Variants in CFAP61 observed in about 807,000 individuals in gnomAD.
The protein encoded by CFAP61 is cilia- and flagella-associated protein 61.
In CFAP61, 107 loss-of-function variants were observed where a neutral mutation model predicts 135.6. The ratio of observed to expected loss-of-function variants is 0.79; its 90% confidence interval spans 0.67 to 0.93. CFAP61 has a LOEUF of 0.93. Ranked by LOEUF, CFAP61 falls within the 40% of genes least tolerant of loss-of-function variation. CFAP61 has a pLI of 0.00. For synonymous variants in CFAP61, 575 were observed against 578.5 expected (o/e 0.99, Z 0.09); for missense variants, 1,507 against 1,556.2 (o/e 0.97, Z 0.53).
At chr20:20,192,894 G>A (rs1469709220) in intron 15 of CFAP61, among the ~76,000 whole-genome samples, 1 of 152,088 alleles carries the variant, frequency 6.6e-6, no homozygotes, top group Admixed American at 6.5e-5. Context: ...CTTTGAGCTT[G>A]GAGAGTTTTT....
chr20:20,357,972 G>C (rs1270535535), intron 26 of CFAP61, among the ~76,000 whole-genome samples: 2 of 77,798 alleles, frequency 2.6e-5, no homozygotes, highest in African/African-American at 5.4e-5. Context: ...TGGTCATAGT[G>C]TGAGGGGAGG....
chr20:20,174,199 G>A (rs1047065060), intron 13 of CFAP61, among the ~76,000 whole-genome samples: 3 of 152,190 alleles, frequency 2.0e-5, no homozygotes, highest in Admixed American at 2.0e-4. Flanking sequence ...AACAAGTCAT[G>A]TGTTGTCGCA....
chr20:20,201,493 T>A (rs1041539315), intron 17 of CFAP61, among the ~76,000 whole-genome samples: 5 of 152,224 alleles, frequency 3.3e-5, no homozygotes, highest in Non-Finnish European at 5.9e-5. Context: ...GCACTGGAGA[T>A]GAGACGTGCC....
intron 25 of CFAP61, among the ~76,000 whole-genome samples, chr20:20,337,566 A>G (rs1269909513): frequency 0.02 from 42 of 2,078 alleles, 1 homozygote; most frequent in Middle Eastern, 0.25. Flanking sequence ...GGATGGATGG[A>G]TGGATGGATG....
At position 20,252,873 on chromosome 20, in the gene CFAP61, G is replaced by T. The variant is rs367851556; in HGVS notation, c.2328+1110G>T. Reference sequence around the variant, plus strand: ...GGCCGCACATTGAGATGACCTGGGTGCTTTGAAAACACATCCATGCCTAGG... The same window carrying T: ...GGCCGCACATTGAGATGACCTGGGTTCTTTGAAAACACATCCATGCCTAGG... On this transcript the variant is annotated intron_variant, in intron 20 of 26. Transcript: ENST00000245957. Among the ~76,000 whole-genome samples the T allele has an allele frequency of 2.1e-4, 32 of 152,342 alleles. No individual in the cohort carries two copies. The East Asian group carries it at 3.5e-3, about 17-fold the overall frequency.
At chr20:20,348,066 G>C (rs1013331500) in intron 26 of CFAP61, among the ~76,000 whole-genome samples, 1 of 151,962 alleles carries the variant, frequency 6.6e-6, no homozygotes, top group African/African-American at 2.4e-5. Context: ...GCCCAAGACC[G>C]GATGGCTTCG....
intron 25 of CFAP61, among the ~76,000 whole-genome samples, chr20:20,338,292 G>A (rs897640991): frequency 2.6e-5 from 4 of 152,266 alleles, no homozygotes; most frequent in East Asian, 3.9e-4. Context: ...AAGGAAACCC[G>A]CAGGCCTCCC....
At chr20:20,145,595 G>A (rs766309531) in intron 9 of CFAP61, among the ~76,000 whole-genome samples, 2 of 152,150 alleles carry the variant, frequency 1.3e-5, no homozygotes, top group Non-Finnish European at 2.9e-5. Context: ...CAGATATAGA[G>A]TGGATAAAAT....
chr20:20,166,661 A>G (rs1473610069), intron 12 of CFAP61, among the ~76,000 whole-genome samples: 1 of 152,228 alleles, frequency 6.6e-6, no homozygotes, highest in Non-Finnish European at 1.5e-5. Context: ...TTTCTGTTAC[A>G]CATAGCTTTA....
intron 14 of CFAP61, among the ~76,000 whole-genome samples, chr20:20,188,378 C>A (rs1172968288): frequency 6.6e-6 from 1 of 152,112 alleles, no homozygotes; most frequent in Non-Finnish European, 1.5e-5. Context: ...ACAGTATGAC[C>A]ATGGTTAGGG....
chr20:20,090,105 T>G (rs1205731599), intron 6 of CFAP61, among the ~76,000 whole-genome samples: 1 of 152,196 alleles, frequency 6.6e-6, no homozygotes, highest in Non-Finnish European at 1.5e-5. Context: ...AGAACATCCT[T>G]GGGAAGTGCT....
chr20:20,294,905 G>A (rs922008960), intron 24 of CFAP61, among the ~76,000 whole-genome samples: 6 of 150,118 alleles, frequency 4.0e-5, no homozygotes, highest in African/African-American at 9.8e-5. Context: ...TCCGCAGTCC[G>A]GCCTGGGCGA....
chr20:20,166,579 AAAATACAAAATAT>A (rs1231266425), intron 12 of CFAP61, 143 bp downstream of exon 12: 1 of 645,988 alleles, frequency 1.5e-6, no homozygotes, highest in Admixed American at 3.0e-5. Flanking sequence ...TGAGCTCATA[AAAATACAAAATAT>A]TGTCATTTTC....
intron 22 of CFAP61, among the ~76,000 whole-genome samples, chr20:20,286,607 T>A (rs113151106): frequency 8.0e-4 from 122 of 152,368 alleles, no homozygotes; most frequent in African/African-American, 2.9e-3. Context: ...AGCCATTACC[T>A]CTTCCTATTT....
chr20:20,333,147 C>T (rs1014242165), intron 25 of CFAP61, among the ~76,000 whole-genome samples: 11 of 152,116 alleles, frequency 7.2e-5, no homozygotes, highest in Admixed American at 7.2e-4. Flanking sequence ...TAATTCACAC[C>T]AGAAAGGATG....
rs772947799 is a variant in CFAP61, at chr20:20,277,304, C to G, written c.2642C>G (p.Ser881Trp). 3.2e-5 allele frequency: 52 copies of G among 1,614,068 alleles called. No homozygotes were observed. The East Asian group carries it at 1.1e-3, about 35-fold the overall frequency. Residue 881 changes from serine (S) to tryptophan (W), a missense_variant, in exon 22 of 27, where the codon TCG (serine) becomes TGG (tryptophan). By Grantham distance (177) the Ser-to-Trp change is radical. Coordinates refer to ENST00000245957, the MANE Select transcript of CFAP61 (RefSeq NM_015585.4). ...ASTITCINNY[S>W]VESAVADALG... ...ACCATCACCTGCATCAACAACTACTCGGTGGAGAGCGCCGTGGCGGACGCG... is the reference window on the plus strand; with the variant it reads ...ACCATCACCTGCATCAACAACTACTGGGTGGAGAGCGCCGTGGCGGACGCG...
At chr20:20,283,162 G>A (rs577153266) in intron 22 of CFAP61, among the ~76,000 whole-genome samples, 1 of 152,180 alleles carries the variant, frequency 6.6e-6, no homozygotes, top group African/African-American at 2.4e-5. Context: ...TACTATTATT[G>A]TGGAAGTCTC....
At position 20,296,025 on chromosome 20, in the gene CFAP61, TCTTTCTTTTCTTCCTCCCTC is replaced by T. The variant is rs1569258394; in HGVS notation, c.3217-2154_3217-2135del. On this transcript the variant is annotated intron_variant, in intron 24 of 26. Transcript: ENST00000245957. ...TCCTTCCTTCCCTCCTTTCCTTCCTTCTTTCTTTTCTTCCTCCCTCCCTTCCTTCCCTTCCTTCCCTTCCT... is the reference window on the plus strand; with the variant it reads ...TCCTTCCTTCCCTCCTTTCCTTCCTTCCTTCCTTCCCTTCCTTCCCTTCCT... 1.2e-3 allele frequency among the ~76,000 whole-genome samples: 89 copies of T among 72,142 alleles called. 20 individuals carry two copies. Among genetic ancestry groups the T allele is most frequent in the East Asian group, 3.7e-3 (10 of 2,728 alleles). The allele number at this position is 72,142 out of a possible 152,430, so 47.3% of individuals were successfully genotyped here.
intron 16 of CFAP61, among the ~76,000 whole-genome samples, 178 bp from the exon 17 acceptor site, chr20:20,199,590 G>A (rs930425408): frequency 6.6e-6 from 1 of 152,020 alleles, no homozygotes; most frequent in Non-Finnish European, 1.5e-5. Flanking sequence ...ATTAGTGTCA[G>A]GCATTATCTA....
Sources: gnomAD v4.1 joint callset for allele counts (sites outside exome capture counted in the v4.1 genomes callset) on GRCh38, gnomAD v4.1.1 for gene constraint, MANE v1.5 for transcripts, NCBI Gene and HGNC (gene_info 2026-07-23, HGNC 2026-07-21) for gene names.